Variants in CA8 observed in about 807,000 individuals in gnomAD.
The protein encoded by CA8 is carbonic anhydrase 8 (inactive).
Under a neutral mutation model 41.4 loss-of-function variants are expected in CA8, and 22 were observed. That is an observed-to-expected ratio of 0.53 (90% CI 0.38 to 0.76). The LOEUF (loss-of-function observed/expected upper bound fraction) is 0.76. CA8 is among the 30% of genes least tolerant of loss of function. The pLI, the probability that CA8 is intolerant of heterozygous loss-of-function variation, is 0.00. For synonymous variants in CA8, 121 were observed against 130.6 expected, an observed-to-expected ratio of 0.93 and a Z score of 0.50; for missense variants, 270 against 352.8, an observed-to-expected ratio of 0.77 and a Z score of 1.88.
At chr8:60,226,399 C>G (rs560099576) in intron 5 of CA8, among the ~76,000 whole-genome samples, 1 of 152,260 alleles carries the variant, frequency 6.6e-6, no homozygotes, top group South Asian at 2.1e-4. Context: ...ACATACTGTA[C>G]CAATTGGAAC....
intron 8 of CA8, among the ~76,000 whole-genome samples, chr8:60,203,054 G>T (rs1019167158): frequency 6.6e-6 from 1 of 152,090 alleles, no homozygotes; most frequent in African/African-American, 2.4e-5. Context: ...AACTAACATG[G>T]TACTAAACTC....
chr8:60,276,234 C>T (rs13269899), intron 2 of CA8, among the ~76,000 whole-genome samples: 58,266 of 151,948 alleles, frequency 0.38, 11,259 homozygotes, highest in South Asian at 0.41. Flanking sequence ...AGGAAACATC[C>T]GATCTAACAC....
At chr8:60,202,621 C>T (rs1806467680) in intron 8 of CA8, among the ~76,000 whole-genome samples, 1 of 152,130 alleles carries the variant, frequency 6.6e-6, no homozygotes, top group African/African-American at 2.4e-5. Flanking sequence ...AAGATCTCAG[C>T]ACACATCCAG....
rs1806061814 is a variant in CA8, at chr8:60,189,765, A to T, written c.*256T>A. 1 of 152,542 alleles carries T rather than the reference A, an allele frequency of 6.6e-6. No homozygotes were observed. Among genetic ancestry groups the T allele is most frequent in the African/African-American group, 2.4e-5 (1 of 41,454 alleles). The allele number at this position is 152,542 out of a possible 1,614,324, so 9.4% of individuals were successfully genotyped here. A position where few individuals can be genotyped will look rare whatever the true frequency, so the allele number is the denominator to read the frequency against. On this transcript the variant is annotated 3_prime_UTR_variant, in exon 9 of 9. Coordinates refer to ENST00000317995, the MANE Select transcript of CA8 (RefSeq NM_004056.6). Reference sequence around the variant, plus strand: ...CAATAAACAGTATGTGCAACTATGAATCCTAGCAGCAGTAATGTGGATATA... The same window carrying T: ...CAATAAACAGTATGTGCAACTATGATTCCTAGCAGCAGTAATGTGGATATA...
intron 8 of CA8, among the ~76,000 whole-genome samples, chr8:60,193,036 T>G (rs1043681519): frequency 6.6e-6 from 1 of 151,872 alleles, no homozygotes; most frequent in Admixed American, 6.6e-5. Context: ...TATGGCTATA[T>G]AGTAAATCTG....
chr8:60,219,658 CAAAT>C (rs1188015168), intron 7 of CA8, among the ~76,000 whole-genome samples: 1 of 152,102 alleles, frequency 6.6e-6, no homozygotes, highest in Non-Finnish European at 1.5e-5. Context: ...AGAAAGGTCT[CAAAT>C]AAACTGCAGT....
chr8:60,245,141 T>C (rs909404250), intron 3 of CA8, among the ~76,000 whole-genome samples: 3 of 152,162 alleles, frequency 2.0e-5, no homozygotes, highest in African/African-American at 4.8e-5. Context: ...TCCACGGCCA[T>C]GAGACAATGC....
Position 60,247,163 on chromosome 8 carries a change from G to C in CA8, c.418-14784C>G, listed in dbSNP as rs769158331. ...CTCCCAAAGTGCTGGGATTACAGGC[G>C]TGAGCCACCACGCCCAGCCAATAAC... On this transcript the variant is annotated intron_variant, in intron 3 of 8. Coordinates refer to ENST00000317995, the MANE Select transcript of CA8 (RefSeq NM_004056.6). Among the ~76,000 whole-genome samples the C allele has an allele frequency of 3.3e-5, 5 of 152,108 alleles. No homozygotes were observed. In the East Asian group the frequency reaches 5.8e-4, roughly 18 times the overall value.
At chr8:60,227,546 A>T (rs1807485865) in intron 4 of CA8, among the ~76,000 whole-genome samples, 2 of 152,186 alleles carry the variant, frequency 1.3e-5, no homozygotes, top group South Asian at 4.1e-4. Context: ...AAATATAAAA[A>T]TATCAAGGAT....
chr8:60,257,169 G>C (rs980409760), intron 3 of CA8, among the ~76,000 whole-genome samples: 1 of 152,172 alleles, frequency 6.6e-6, no homozygotes, highest in African/African-American at 2.4e-5. Flanking sequence ...GTAGAAACAG[G>C]ATTTTGCCAT....
intron 3 of CA8, among the ~76,000 whole-genome samples, chr8:60,237,537 C>G (rs1474818404): frequency 6.6e-6 from 1 of 152,200 alleles, no homozygotes. Context: ...CTCCAGGGTC[C>G]ACTGGACTAA....
At chr8:60,263,215 A>C (rs1283283097) in intron 3 of CA8, among the ~76,000 whole-genome samples, 1 of 151,920 alleles carries the variant, frequency 6.6e-6, no homozygotes, top group Non-Finnish European at 1.5e-5. Context: ...CCCAGCTACC[A>C]TGGAGGCTGA....
intron 5 of CA8, among the ~76,000 whole-genome samples, chr8:60,226,498 T>C (rs895532322): frequency 7.9e-5 from 12 of 152,156 alleles, no homozygotes; most frequent in African/African-American, 2.7e-4. Flanking sequence ...GTCAGCTATG[T>C]TGCATGCGTT....
At chr8:60,277,979 A>ACTT (rs765267030) in intron 2 of CA8, among the ~76,000 whole-genome samples, 2 of 152,182 alleles carry the variant, frequency 1.3e-5, no homozygotes, top group African/African-American at 4.8e-5. Context: ...AAGTGCAGAC[A>ACTT]CTTCTTCTTC....
At chr8:60,214,256 G>C (rs1480069020) in intron 7 of CA8, among the ~76,000 whole-genome samples, 1 of 152,254 alleles carries the variant, frequency 6.6e-6, no homozygotes, top group Non-Finnish European at 1.5e-5. Context: ...TCATGTAGCA[G>C]AAGGCAGAAG....
chr8:60,244,428 A>G (rs1808149010), intron 3 of CA8, among the ~76,000 whole-genome samples: 1 of 152,368 alleles, frequency 6.6e-6, no homozygotes, highest in Non-Finnish European at 1.5e-5. Context: ...CTAAATGAAT[A>G]TATCTTTTTA....
intron 3 of CA8, among the ~76,000 whole-genome samples, chr8:60,233,501 T>C (rs1313706245): frequency 6.6e-6 from 1 of 152,164 alleles, no homozygotes; most frequent in Non-Finnish European, 1.5e-5. Flanking sequence ...GGTCAGGCTG[T>C]GAGGCTGTGA....
At chr8:60,190,938 C>CACTATATATATATATATATATATATATA (rs1018035216) in intron 8 of CA8, among the ~76,000 whole-genome samples, 9 of 117,310 alleles carry the variant, frequency 7.7e-5, no homozygotes, top group Admixed American at 1.7e-4. Context: ...CACACACACA[C>CACTATATATATATATATATATATATATA]TATATATATA....
intron 7 of CA8, among the ~76,000 whole-genome samples, chr8:60,211,235 C>G (rs1585856500): frequency 1.3e-5 from 2 of 152,230 alleles, no homozygotes; most frequent in East Asian, 3.8e-4. Flanking sequence ...TAGGAAGTGT[C>G]TGACAAATAC....
Sources: allele counts gnomAD v4.1 joint callset (sites outside exome capture counted in the v4.1 genomes callset), GRCh38; gene constraint gnomAD v4.1.1; transcripts MANE v1.5; gene names NCBI Gene and HGNC (gene_info 2026-07-23, HGNC 2026-07-21).